Variants in GOLM1 observed in about 807,000 individuals in gnomAD.
GOLM1 encodes epididymis luminal protein 46.
In GOLM1, 31 loss-of-function variants were observed where a neutral mutation model predicts 50.5. The ratio of observed to expected loss-of-function variants is 0.61; its 90% CI spans 0.46 to 0.83. The LOEUF (loss-of-function observed/expected upper bound fraction) is 0.83. GOLM1 is among the 40% of genes least tolerant of loss of function. GOLM1 has a pLI of 0.00. For synonymous variants in GOLM1, 178 were observed against 192.8 expected, an observed-to-expected ratio of 0.92 and a Z score of 0.64; for missense variants, 491 against 501.3, an observed-to-expected ratio of 0.98 and a Z score of 0.20.
chr9:86,071,278 T>G (rs1834439824), intron 3 of GOLM1, among the ~76,000 whole-genome samples: 1 of 152,146 alleles, frequency 6.6e-6, no homozygotes, highest in Non-Finnish European at 1.5e-5. Context: ...TTTAATTTTC[T>G]GTAGAGACAG....
chr9:86,079,484 A>G, intron 1 of GOLM1, 143 bp from the exon 2 acceptor site: 1 of 633,316 alleles, frequency 1.6e-6, no homozygotes, highest in Non-Finnish European at 2.6e-6. Flanking sequence ...CAAAGCTGTC[A>G]AGGGAGAAGA....
At chr9:86,043,724 G>A (rs1833438102) in intron 5 of GOLM1, among the ~76,000 whole-genome samples, 1 of 152,150 alleles carries the variant, frequency 6.6e-6, no homozygotes, top group Non-Finnish European at 1.5e-5. Context: ...AACCTGCCAG[G>A]AGCAAAAGGA....
At chr9:86,068,891 G>A (rs552637655) in intron 3 of GOLM1, among the ~76,000 whole-genome samples, 3 of 152,264 alleles carry the variant, frequency 2.0e-5, no homozygotes, top group African/African-American at 7.2e-5. Flanking sequence ...GAGTCCTCTT[G>A]TCTGCAATTA....
chr9:86,051,170 G>A (rs560068668), intron 4 of GOLM1, among the ~76,000 whole-genome samples: 12 of 152,032 alleles, frequency 7.9e-5, no homozygotes, highest in Admixed American at 1.3e-4. Context: ...GTAGTTGAGC[G>A]GTTTTGAGTG....
chr9:86,037,522 G>A (rs944724504), intron 6 of GOLM1, among the ~76,000 whole-genome samples: 5 of 151,788 alleles, frequency 3.3e-5, no homozygotes, highest in Non-Finnish European at 4.4e-5. Flanking sequence ...AGCTCCAGCA[G>A]TGCTTAGAAG....
At chr9:86,059,899 CAAAAAA>C (rs139699884) in intron 3 of GOLM1, among the ~76,000 whole-genome samples, 5 of 52,450 alleles carry the variant, frequency 9.5e-5, no homozygotes, top group Admixed American at 4.8e-4. Context: ...GAGTCTATCT[CAAAAAA>C]AAAAAAAAAA....
At chr9:86,039,810 A>G (rs988365695) in intron 6 of GOLM1, among the ~76,000 whole-genome samples, 3 of 152,126 alleles carry the variant, frequency 2.0e-5, no homozygotes, top group African/African-American at 7.2e-5. Context: ...TCTACTAAAA[A>G]TACAAAAATT....
chr9:86,093,782 G>A (rs1318302873), intron 1 of GOLM1, among the ~76,000 whole-genome samples: 1 of 152,146 alleles, frequency 6.6e-6, no homozygotes, highest in Non-Finnish European at 1.5e-5. Context: ...CGAGCCCCTT[G>A]ACCCTCCTAG....
chr9:86,026,735 T>C lies in GOLM1; in HGVS notation c.*1082A>G, dbSNP rs1054682485. 7 of 982,700 alleles carry C rather than the reference T, an allele frequency of 7.1e-6. No homozygotes were observed. Among genetic ancestry groups the C allele is most frequent in the South Asian group, 4.7e-5 (1 of 21,234 alleles). 60.9% of individuals were successfully genotyped at this position (982,700 alleles called of 1,614,324 possible). ...AGTCAAACCTTAATGCCATTGTTAT[T>C]GTGAATTAGGATTAAGTAGTAATTT... On this transcript the variant is annotated 3_prime_UTR_variant, in exon 10 of 10. Transcript: ENST00000388712.
chr9:86,053,709 C>CCA (rs1437790220), intron 3 of GOLM1, among the ~76,000 whole-genome samples: 1 of 26,686 alleles, frequency 3.7e-5, no homozygotes, highest in African/African-American at 1.3e-4. Context: ...ATCACATACC[C>CCA]CACCGCATCA....
intron 3 of GOLM1, among the ~76,000 whole-genome samples, chr9:86,067,481 T>C (rs1160775946): frequency 6.6e-6 from 1 of 152,232 alleles, no homozygotes; most frequent in Non-Finnish European, 1.5e-5. Flanking sequence ...CACACGAATG[T>C]GGTAGTTTAA....
chr9:86,089,793 C>T (rs1364850103), intron 1 of GOLM1, among the ~76,000 whole-genome samples: 1 of 152,024 alleles, frequency 6.6e-6, no homozygotes, highest in African/African-American at 2.4e-5. Context: ...AGTTTTGTTC[C>T]CTTGCTGGCG....
chr9:86,031,458 T>G (rs1042037150), intron 9 of GOLM1, among the ~76,000 whole-genome samples: 3 of 142,586 alleles, frequency 2.1e-5, no homozygotes, highest in Non-Finnish European at 4.6e-5. Context: ...GGTTTTTTTT[T>G]TTTTTTTTTT....
At chr9:86,033,789 CTG>C (rs1463710829) in intron 8 of GOLM1, among the ~76,000 whole-genome samples, 1 of 152,160 alleles carries the variant, frequency 6.6e-6, no homozygotes, top group African/African-American at 2.4e-5. Flanking sequence ...GGAGCTGCCA[CTG>C]TGAGACACGT....
chr9:86,027,027 C>CTGTT lies in GOLM1; in HGVS notation c.*786_*789dup, dbSNP rs952020757. ...TGCTCCAGGTCAGCCCCCTTTTGGC[C>CTGTT]TGTTTGTTTTGTCAAAAACCTAATC... On this transcript the variant is annotated 3_prime_UTR_variant, in exon 10 of 10. Transcript: ENST00000388712. 3.6e-5 allele frequency: 35 copies of CTGTT among 985,318 alleles called. No homozygotes were observed. In the African/African-American group the frequency reaches 4.5e-4, roughly 13 times the overall value. The allele number at this position is 985,318 out of a possible 1,614,324, so 61.0% of individuals were successfully genotyped here. A position where few individuals can be genotyped will look rare whatever the true frequency, so the allele number is the denominator to read the frequency against.
intron 9 of GOLM1, among the ~76,000 whole-genome samples, chr9:86,030,253 AAGACAGTGACC>A (rs1280816550): frequency 2.0e-5 from 3 of 151,674 alleles, no homozygotes; most frequent in African/African-American, 7.3e-5. Context: ...GAATAGAAGT[AAGACAGTGACC>A]AGACCGTGAA....
chr9:86,075,372 C>T (rs951647252), intron 3 of GOLM1, among the ~76,000 whole-genome samples: 2 of 152,224 alleles, frequency 1.3e-5, no homozygotes, highest in Non-Finnish European at 1.5e-5. Flanking sequence ...CCTCGACTGC[C>T]GTTGGTACAA....
intron 4 of GOLM1, 79 bp downstream of exon 4, chr9:86,052,458 C>T: frequency 1.7e-6 from 2 of 1,193,692 alleles, no homozygotes; most frequent in South Asian, 1.2e-5. Flanking sequence ...TGGAGACCCA[C>T]CTGGGCCTAG....
chr9:86,080,264 A>C (rs574279186), intron 1 of GOLM1: 2 of 152,188 alleles, frequency 1.3e-5, no homozygotes, highest in Non-Finnish European at 2.9e-5. Flanking sequence ...AGATGCCATA[A>C]ATTTTGTTAA....
Sources: allele counts gnomAD v4.1 joint callset (sites outside exome capture counted in the v4.1 genomes callset), GRCh38; gene constraint gnomAD v4.1.1; transcripts MANE v1.5; gene names NCBI Gene and HGNC (gene_info 2026-07-23, HGNC 2026-07-21).